Variants in HDX observed in about 807,000 individuals in gnomAD.
The protein encoded by HDX is chromosome X open reading frame 43.
A neutral mutation model predicts 45.2 loss-of-function variants in HDX; 19 were observed. The ratio of observed to expected loss-of-function variants is 0.42; its 90% CI spans 0.29 to 0.62. The LOEUF (loss-of-function observed/expected upper bound fraction) is 0.62. HDX is among the 20% of genes least tolerant of loss of function. The pLI, the probability that HDX is intolerant of heterozygous loss-of-function variation, is 0.20. For synonymous variants in HDX, 188 were observed against 172.8 expected (o/e 1.09, Z -0.69); for missense variants, 532 against 493.9 (o/e 1.08, Z -0.73).
At chrX:84,412,886 C>T (rs777684095) in intron 5 of HDX, among the ~76,000 whole-genome samples, 27 of 111,807 alleles carry the variant, frequency 2.4e-4, no homozygotes, top group Non-Finnish European at 4.1e-4. Flanking sequence ...TGCGATTATT[C>T]GGGGAACCTG....
intron 2 of HDX, among the ~76,000 whole-genome samples, chrX:84,482,916 A>G (rs1271064104): frequency 8.9e-6 from 1 of 111,936 alleles, no homozygotes; most frequent in Non-Finnish European, 1.9e-5. Context: ...ACCATTCTAA[A>G]TGGGATAAAT....
intron 4 of HDX, among the ~76,000 whole-genome samples, chrX:84,459,380 T>A (rs2040187098): frequency 9.3e-6 from 1 of 107,631 alleles, no homozygotes; most frequent in Admixed American, 1.0e-4. Context: ...AGGCAGAGCG[T>A]GCAGTGAGCC....
At chrX:84,328,209 A>C in intron 9 of HDX, among the ~76,000 whole-genome samples, 1 of 109,587 alleles carries the variant, frequency 9.1e-6, no homozygotes, top group Admixed American at 9.9e-5. Context: ...AAAAATATAT[A>C]TATATAGCCT....
At chrX:84,494,788 A>T (rs1454631874) in intron 1 of HDX, among the ~76,000 whole-genome samples, 1 of 111,864 alleles carries the variant, frequency 8.9e-6, no homozygotes, top group Non-Finnish European at 1.9e-5. Context: ...TCTCTAAAAA[A>T]TTAAAAATAG....
intron 5 of HDX, among the ~76,000 whole-genome samples, chrX:84,398,081 A>G (rs2038607434): frequency 3.6e-5 from 4 of 110,034 alleles, no homozygotes; most frequent in Admixed American, 9.8e-5. Context: ...CCCACCATAT[A>G]TATATAGTAT....
At chrX:84,335,024 C>G (rs758724744) in intron 8 of HDX, among the ~76,000 whole-genome samples, 6 of 110,718 alleles carry the variant, frequency 5.4e-5, no homozygotes, top group Admixed American at 9.6e-5. Flanking sequence ...TAATATATTG[C>G]GTATGAGGAT....
intron 9 of HDX, among the ~76,000 whole-genome samples, chrX:84,330,276 T>G (rs774803466): frequency 8.0e-5 from 9 of 111,868 alleles, no homozygotes; most frequent in Middle Eastern, 4.7e-3. Flanking sequence ...ATGACTATTC[T>G]TTGCATCTGG....
At chrX:84,486,231 T>C (rs187193223) in intron 2 of HDX, among the ~76,000 whole-genome samples, 1 of 111,691 alleles carries the variant, frequency 9.0e-6, no homozygotes. Flanking sequence ...TTTTTTCTTT[T>C]TACACATTTA....
intron 4 of HDX, among the ~76,000 whole-genome samples, chrX:84,464,312 T>C (rs2040298520): frequency 1.8e-5 from 2 of 111,383 alleles, no homozygotes; most frequent in Admixed American, 1.9e-4. Context: ...CTCCACAGAA[T>C]TAGAAAAAAC....
chrX:84,380,974 G>A (rs531900661), intron 5 of HDX, among the ~76,000 whole-genome samples: 1 of 111,070 alleles, frequency 9.0e-6, no homozygotes, highest in South Asian at 3.7e-4. Flanking sequence ...AAAATTTAAA[G>A]ACTACACACA....
At chrX:84,465,524 C>A (rs1194309308) in intron 4 of HDX, among the ~76,000 whole-genome samples, 1 of 112,050 alleles carries the variant, frequency 8.9e-6, no homozygotes, top group Non-Finnish European at 1.9e-5. Flanking sequence ...TTTGCAGGAG[C>A]ATGGATGAAG....
chrX:84,429,792 C>T (rs1225652825), intron 5 of HDX, among the ~76,000 whole-genome samples: 3 of 110,222 alleles, frequency 2.7e-5, no homozygotes, highest in Non-Finnish European at 5.7e-5. Flanking sequence ...CTAAGTATAA[C>T]GTTAAGTACA....
chrX:84,423,251 A>G (rs955236350), intron 5 of HDX, among the ~76,000 whole-genome samples: 1 of 110,250 alleles, frequency 9.1e-6, no homozygotes, highest in Non-Finnish European at 1.9e-5. Flanking sequence ...AGCCATAATA[A>G]AAAGCTTTCC....
At chrX:84,467,491 G>T (rs1321332113) in intron 4 of HDX, among the ~76,000 whole-genome samples, 1 of 109,968 alleles carries the variant, frequency 9.1e-6, no homozygotes, top group Non-Finnish European at 1.9e-5. Flanking sequence ...GCTAGGCGTG[G>T]TGGTACACGC....
At chrX:84,497,219 C>A (rs2041020765) in intron 1 of HDX, among the ~76,000 whole-genome samples, 1 of 111,468 alleles carries the variant, frequency 9.0e-6, no homozygotes. Flanking sequence ...TTCTTTATAG[C>A]AGTGTGGAAA....
chrX:84,485,286 A>G (rs915485581), intron 2 of HDX, among the ~76,000 whole-genome samples: 14 of 111,937 alleles, frequency 1.3e-4, no homozygotes, highest in African/African-American at 4.5e-4. Flanking sequence ...CAGGTTTTCT[A>G]TATCCTTATT....
intron 5 of HDX, among the ~76,000 whole-genome samples, chrX:84,401,950 A>G (rs1430590759): frequency 2.7e-5 from 3 of 111,930 alleles, no homozygotes; most frequent in Non-Finnish European, 3.8e-5. Flanking sequence ...GGAACAGAAA[A>G]CCAAACATTG....
In HDX at chrX:84,468,821, C is replaced by T; in HGVS notation, c.902G>A (p.Gly301Glu). 1 of 1,211,465 alleles carries T rather than the reference C, an allele frequency of 8.3e-7. No homozygotes were observed. The highest frequency in any genetic ancestry group is 2.2e-5 in the Admixed American group (1 of 46,037). Residue 301 changes from glycine (G) to glutamate (E), a missense_variant, in exon 4 of 11, where the codon GGA becomes GAA. Gly to Glu is a moderately conservative substitution (Grantham distance 98). This residue lies in a region of HDX where 376 missense variants were observed against 343.7 expected (regional missense o/e 1.09). Transcript: ENST00000373177. The part of the protein sequence containing the change: ...GNCLSIAMET[G>E]DAEDEYAREE... ...TCTGGCATATTCATCCTCAGCATCTCCAGTCTCCATTGCAATGGACAAACA... is the reference window on the plus strand; with the variant it reads ...TCTGGCATATTCATCCTCAGCATCTTCAGTCTCCATTGCAATGGACAAACA...
chrX:84,381,859 C>A (rs937006861), intron 5 of HDX, among the ~76,000 whole-genome samples: 1 of 110,674 alleles, frequency 9.0e-6, no homozygotes, highest in Admixed American at 9.7e-5. Flanking sequence ...CAACTGGGAT[C>A]ATGTCAAGCT....
Sources: gnomAD v4.1 joint callset for allele counts (sites outside exome capture counted in the v4.1 genomes callset) on GRCh38, gnomAD v4.1.1 for gene constraint, gnomAD v4.1.1 regional missense constraint, MANE v1.5 for transcripts, NCBI Gene and HGNC (gene_info 2026-07-23, HGNC 2026-07-21) for gene names.